Variants in SPIDR observed in about 807,000 individuals in gnomAD.
SPIDR encodes the protein DNA repair-scaffolding protein.
In SPIDR, 93 loss-of-function variants were observed where a neutral mutation model predicts 104.6. The ratio of observed to expected loss-of-function variants is 0.89; its 90% CI spans 0.75 to 1.06. The LOEUF (loss-of-function observed/expected upper bound fraction) is 1.06, where lower values mean the gene tolerates loss of function less well. SPIDR is among the 50% of genes least tolerant of loss of function. The pLI is 0.00. For missense variants in SPIDR, 1,154 were observed against 1,111.2 expected (o/e 1.04, Z -0.55); for synonymous variants, 431 against 416.9 (o/e 1.03, Z -0.41).
At chr8:47,515,057 A>G (rs978496092) in intron 8 of SPIDR, among the ~76,000 whole-genome samples, 7 of 152,158 alleles carry the variant, frequency 4.6e-5, no homozygotes, top group African/African-American at 1.2e-4. Flanking sequence ...CTCCTTTTGA[A>G]CAGAGGTCCC....
At chr8:47,490,598 A>G (rs939223739) in intron 8 of SPIDR, among the ~76,000 whole-genome samples, 5 of 152,240 alleles carry the variant, frequency 3.3e-5, no homozygotes, top group African/African-American at 9.6e-5. Context: ...AACCAACCCA[A>G]ATGTCCAACA....
chr8:47,468,356 T>C (rs1220439761), intron 8 of SPIDR, among the ~76,000 whole-genome samples: 10 of 152,122 alleles, frequency 6.6e-5, no homozygotes, highest in African/African-American at 2.2e-4. Context: ...AAAACTATTT[T>C]CAAATTCACA....
At chr8:47,348,038 A>C (rs2052539049) in intron 5 of SPIDR, among the ~76,000 whole-genome samples, 1 of 152,130 alleles carries the variant, frequency 6.6e-6, no homozygotes, top group Non-Finnish European at 1.5e-5. Flanking sequence ...GTTTCTTCCT[A>C]GCCTCGATGG....
rs1384093941 is a variant in SPIDR at position 47,466,914 on chromosome 8, TAGATAGATAG to T, written c.1097+26374_1097+26383del. 1.7e-3 allele frequency among the ~76,000 whole-genome samples: 195 copies of T among 116,248 alleles called. 2 individuals are homozygous for T. Among genetic ancestry groups the T allele is most frequent in the Middle Eastern group, 9.0e-3 (2 of 222 alleles). The allele number at this position is 116,248 out of a possible 152,430, so 76.3% of individuals were successfully genotyped here. On this transcript the variant is annotated intron_variant, in intron 8 of 19. Transcript: ENST00000297423. ...AAAAAAAAAAAAATATATATATATA[TAGATAGATAG>T]ATAGATAGATAGATAGATAGATAGA...
intron 8 of SPIDR, among the ~76,000 whole-genome samples, chr8:47,481,004 A>G (rs1554726684): frequency 6.6e-6 from 1 of 152,274 alleles, no homozygotes; most frequent in Admixed American, 6.5e-5. Flanking sequence ...TAATTGGCAA[A>G]GCCAGCTGCC....
intron 19 of SPIDR, among the ~76,000 whole-genome samples, chr8:47,733,953 C>T (rs1447323961): frequency 6.6e-6 from 1 of 152,156 alleles, no homozygotes; most frequent in Admixed American, 6.5e-5. Flanking sequence ...ATAGGCACCA[C>T]GCCTGTCTTA....
At chr8:47,714,240 A>G (rs1337279428) in intron 16 of SPIDR, among the ~76,000 whole-genome samples, 1 of 152,128 alleles carries the variant, frequency 6.6e-6, no homozygotes, top group East Asian at 1.9e-4. Context: ...AGGAAATCCA[A>G]GGATGGACTT....
chr8:47,478,221 C>T (rs951839321), intron 8 of SPIDR, among the ~76,000 whole-genome samples: 3 of 152,078 alleles, frequency 2.0e-5, no homozygotes, highest in Non-Finnish European at 4.4e-5. Flanking sequence ...TCCAGCCTGA[C>T]GACAAACACA....
chr8:47,590,571 A>G (rs2060886936), intron 8 of SPIDR, among the ~76,000 whole-genome samples: 1 of 152,144 alleles, frequency 6.6e-6, no homozygotes, highest in Admixed American at 6.5e-5. Context: ...ATTTGTTTAT[A>G]TGTGTCTTAT....
intron 5 of SPIDR, among the ~76,000 whole-genome samples, chr8:47,375,734 C>T (rs932189072): frequency 1.3e-5 from 2 of 152,164 alleles, no homozygotes; most frequent in African/African-American, 4.8e-5. Context: ...ACTACAGGTG[C>T]GCACCACTGT....
intron 8 of SPIDR, among the ~76,000 whole-genome samples, chr8:47,534,164 T>C (rs182810935): frequency 4.1e-4 from 62 of 152,348 alleles, no homozygotes; most frequent in African/African-American, 9.9e-4. Context: ...TGATTGTAAG[T>C]TTCCCGAGGC....
chr8:47,408,204 C>T (rs1474189758), intron 7 of SPIDR, among the ~76,000 whole-genome samples: 1 of 152,040 alleles, frequency 6.6e-6, no homozygotes, highest in East Asian at 1.9e-4. Flanking sequence ...CTACCCTTGA[C>T]CTCCAAAAAT....
chr8:47,470,938 G>T (rs2075610045), intron 8 of SPIDR, among the ~76,000 whole-genome samples: 2 of 152,082 alleles, frequency 1.3e-5, no homozygotes, highest in Admixed American at 1.3e-4. Context: ...GTTTCACCGT[G>T]TTAGCCAGGA....
chr8:47,658,101 C>T (rs2073258222), intron 10 of SPIDR, among the ~76,000 whole-genome samples: 1 of 150,624 alleles, frequency 6.6e-6, no homozygotes, highest in South Asian at 2.1e-4. Context: ...AAAACGTGTT[C>T]CATGGGTAAA....
At chr8:47,683,757 T>C (rs2077385077) in intron 11 of SPIDR, among the ~76,000 whole-genome samples, 1 of 152,198 alleles carries the variant, frequency 6.6e-6, no homozygotes, top group South Asian at 2.1e-4. Context: ...GACCATCTTT[T>C]GACCAAAAAT....
At chr8:47,572,120 A>G (rs547145728) in intron 8 of SPIDR, among the ~76,000 whole-genome samples, 48 of 152,188 alleles carry the variant, frequency 3.2e-4, no homozygotes, top group Non-Finnish European at 5.0e-4. Context: ...AATATTTGAT[A>G]TAATATAAAA....
chr8:47,571,695 C>T (rs2058546451), intron 8 of SPIDR, among the ~76,000 whole-genome samples: 1 of 152,110 alleles, frequency 6.6e-6, no homozygotes. Context: ...AGTACTCAAC[C>T]TTGTATAAAC....
At chr8:47,720,383 AAGT>A (rs2083227307) in intron 16 of SPIDR, among the ~76,000 whole-genome samples, 1 of 152,234 alleles carries the variant, frequency 6.6e-6, no homozygotes, top group Non-Finnish European at 1.5e-5. Context: ...TTAGTTTTCG[AAGT>A]AACTGCTAAG....
At chr8:47,680,821 TGCTGG>T (rs1179351583) in intron 11 of SPIDR, among the ~76,000 whole-genome samples, 1 of 152,092 alleles carries the variant, frequency 6.6e-6, no homozygotes, top group Non-Finnish European at 1.5e-5. Flanking sequence ...TAAGATAGAG[TGCTGG>T]GCTGGGCTCA....
Sources: allele counts gnomAD v4.1 joint callset (sites outside exome capture counted in the v4.1 genomes callset), GRCh38; gene constraint gnomAD v4.1.1; transcripts MANE v1.5; gene names NCBI Gene and HGNC (gene_info 2026-07-23, HGNC 2026-07-21).